The following SRP72 variants were observed in gnomAD, a reference collection of about 807,000 sequenced individuals.
SRP72 encodes signal recognition particle 72, also known as signal recognition particle subunit SRP72.
Under a neutral mutation model 96.3 loss-of-function variants are expected in SRP72, and 49 were observed. The observed-to-expected ratio is 0.51, with a 90% CI of 0.40 to 0.65. The LOEUF (loss-of-function observed/expected upper bound fraction) is 0.65. SRP72 is among the 30% of genes least tolerant of loss of function. The probability of loss-of-function intolerance (pLI) is 0.00; values close to 1 mark genes in which losing one functional copy is unlikely to be tolerated. For synonymous variants in SRP72, 267 were observed against 275.2 expected, an observed-to-expected ratio of 0.97 and a Z score of 0.30; for missense variants, 736 against 793.3, an observed-to-expected ratio of 0.93 and a Z score of 0.87.
chr4:56,482,048 G>C (rs1720513655), intron 8 of SRP72, among the ~76,000 whole-genome samples: 1 of 151,532 alleles, frequency 6.6e-6, no homozygotes. Context: ...ACAGGCGTGA[G>C]CCACTGTGCC....
intron 17 of SRP72, among the ~76,000 whole-genome samples, chr4:56,497,510 C>T (rs557561171): frequency 3.3e-5 from 5 of 152,176 alleles, no homozygotes; most frequent in Admixed American, 2.6e-4. Flanking sequence ...TGAGCCACTG[C>T]GCCCGGCCTG....
Position 56,476,381 on chromosome 4 carries a change from A to G in SRP72, c.611-290A>G, listed in dbSNP as rs575586434. 14 of 402,242 alleles carry G rather than the reference A, an allele frequency of 3.5e-5. No homozygotes were observed. The East Asian group carries it at 5.5e-4, about 16-fold the overall frequency. The allele number at this position is 402,242 out of a possible 1,614,324, so 24.9% of individuals were successfully genotyped here. A position where few individuals can be genotyped will look rare whatever the true frequency, so the allele number is the denominator to read the frequency against. ...ATTGTTTATTTTTATACTTTTCTAT[A>G]ATTGATTTTTCGCAATTAATATTTA... is the stretch of plus-strand genomic sequence containing the variant. On this transcript the variant is annotated intron_variant, in intron 5 of 18. Coordinates refer to ENST00000642900, the MANE Select transcript of SRP72 (RefSeq NM_006947.4).
chr4:56,503,444 T>C lies in SRP72; in HGVS notation c.*1583T>C, dbSNP rs554243661. 2.6e-5 allele frequency: 4 copies of C among 152,358 alleles called. No homozygotes were observed. Among genetic ancestry groups the C allele is most frequent in the African/African-American group, 9.6e-5 (4 of 41,588 alleles). 9.4% of individuals were successfully genotyped at this position (152,358 alleles called of 1,614,324 possible). A position where few individuals can be genotyped will look rare whatever the true frequency, so the allele number is the denominator to read the frequency against. ...TCATTATTGACAGGCATTGGTATTA[T>C]TAGTCATTGCTAAGCAACTAAAACT... On this transcript the variant is annotated 3_prime_UTR_variant, in exon 19 of 19. Transcript: ENST00000642900.
chr4:56,478,745 T>A lies in SRP72; in HGVS notation c.825+96T>A, dbSNP rs1578182193. Reference sequence around the variant, plus strand: ...TCTAGGATAGCCTAAGTGTTCTTTTTAACATGATGAAAAAAGTCCAGTTGT... The same window carrying A: ...TCTAGGATAGCCTAAGTGTTCTTTTAAACATGATGAAAAAAGTCCAGTTGT... On this transcript the variant is annotated intron_variant, in intron 8 of 18. Transcript: ENST00000642900. 3.1e-6 allele frequency: 4 copies of A among 1,289,480 alleles called. No homozygotes were observed. In the East Asian group the frequency reaches 9.6e-5, roughly 31 times the overall value. 79.9% of individuals were successfully genotyped at this position (1,289,480 alleles called of 1,614,324 possible). A position where few individuals can be genotyped will look rare whatever the true frequency, so the allele number is the denominator to read the frequency against.
At chr4:56,474,904 C>T (rs1358813234) in intron 5 of SRP72, among the ~76,000 whole-genome samples, 1 of 152,188 alleles carries the variant, frequency 6.6e-6, no homozygotes, top group African/African-American at 2.4e-5. Flanking sequence ...AGGCTAGTCT[C>T]AAATTCCTGT....
At chr4:56,498,834 A>G (rs1721165607) in intron 17 of SRP72, among the ~76,000 whole-genome samples, 1 of 152,242 alleles carries the variant, frequency 6.6e-6, no homozygotes, top group Admixed American at 6.5e-5. Context: ...GAAAATGGCC[A>G]TACTGCCTAA....
intron 6 of SRP72, among the ~76,000 whole-genome samples, chr4:56,477,475 A>T (rs372469230): frequency 1.1e-4 from 16 of 151,386 alleles, no homozygotes; most frequent in African/African-American, 2.9e-4. Context: ...CTTTGTAGAG[A>T]TGGGGGTCTC....
At chr4:56,477,297 C>CTTTTTTTTTTTTTATTTTT (rs1560677869) in intron 6 of SRP72, 1 of 114,822 alleles carries the variant, frequency 8.7e-6, no homozygotes, top group Non-Finnish European at 1.7e-5. Flanking sequence ...CTCTCTCTCT[C>CTTTTTTTTTTTTTATTTTT]TCTCTTTTTT....
intron 18 of SRP72, among the ~76,000 whole-genome samples, chr4:56,500,928 A>G (rs1578200755): frequency 1.3e-5 from 2 of 152,046 alleles, no homozygotes; most frequent in Non-Finnish European, 1.5e-5. Context: ...AATATAATCA[A>G]ATATATATTG....
At chr4:56,480,347 C>T (rs1185965138) in intron 8 of SRP72, among the ~76,000 whole-genome samples, 2 of 152,188 alleles carry the variant, frequency 1.3e-5, no homozygotes, top group African/African-American at 4.8e-5. Flanking sequence ...GCAGCCTCCA[C>T]CTCCCGGGTT....
intron 17 of SRP72, among the ~76,000 whole-genome samples, chr4:56,497,684 C>T (rs927673378): frequency 7.9e-5 from 12 of 151,874 alleles, no homozygotes; most frequent in Non-Finnish European, 1.6e-4. Context: ...GGAGTATCAC[C>T]GAGAATATTC....
At chr4:56,497,000 A>C (rs1281125270) in intron 17 of SRP72, among the ~76,000 whole-genome samples, 1 of 152,144 alleles carries the variant, frequency 6.6e-6, no homozygotes, top group African/African-American at 2.4e-5. Context: ...CCCCCAAAAA[A>C]AAGCATGCTC....
chr4:56,488,371 T>C (rs1720792170), intron 12 of SRP72, among the ~76,000 whole-genome samples: 1 of 152,240 alleles, frequency 6.6e-6, no homozygotes, highest in African/African-American at 2.4e-5. Context: ...AGTTTTCTGA[T>C]TATTCAAATA....
chr4:56,474,431 A>G (rs757334545), intron 5 of SRP72, 40 bp downstream of exon 5: 19 of 1,540,364 alleles, frequency 1.2e-5, no homozygotes, highest in South Asian at 8.2e-5. Context: ...TATAACGTGC[A>G]TATAACTTTG....
At chr4:56,476,929 T>C in intron 6 of SRP72, 1 of 481,448 alleles carries the variant, frequency 2.1e-6, no homozygotes, top group East Asian at 3.6e-5. Flanking sequence ...ATTATACATT[T>C]ATATAATGTA....
In SRP72 at chr4:56,471,767, G is replaced by A; in HGVS notation, c.278G>A (p.Arg93Lys). The A allele has an allele frequency of 2.5e-6, 4 of 1,614,058 alleles. No individual in the cohort carries two copies. The highest frequency in any genetic ancestry group is 3.4e-6 in the Non-Finnish European group (4 of 1,180,006). Residue 93 changes from arginine to lysine, a missense_variant, in exon 3 of 19, where the codon AGA becomes AAA. Arg to Lys is a conservative substitution (Grantham distance 26, BLOSUM62 2). Coordinates refer to ENST00000642900, the MANE Select transcript of SRP72 (RefSeq NM_006947.4). ...GCATATTGCGAGTACAGGCTGAACA[G>A]AATTGAGAATGCCTTGAAGACAATA... ...EKAYCEYRLNRIENALKTIES... is the reference protein window; with the variant it reads ...EKAYCEYRLNKIENALKTIES...
rs189054252 is a variant in SRP72 at position 56,495,456 on chromosome 4, T to C, written c.1678+62T>C. Reference sequence around the variant, plus strand: ...AAATAAATGTTTGATTTTAGCCCTATATAGAAATATTTGGACATAAATATA... The same window carrying C: ...AAATAAATGTTTGATTTTAGCCCTACATAGAAATATTTGGACATAAATATA... On this transcript the variant is annotated intron_variant, in intron 17 of 18. Transcript: ENST00000642900. The C allele has an allele frequency of 1.0e-5, 12 of 1,165,876 alleles. No individual in the cohort carries two copies. In the Admixed American group the frequency reaches 1.2e-4, roughly 12 times the overall value. 72.2% of individuals were successfully genotyped at this position (1,165,876 alleles called of 1,614,324 possible).
intron 18 of SRP72, 118 bp from the exon 19 acceptor site, chr4:56,501,562 TAAAA>T: frequency 1.2e-6 from 1 of 838,642 alleles, no homozygotes; most frequent in Non-Finnish European, 1.8e-6. Flanking sequence ...GAGCTTACCT[TAAAA>T]GAAGTAGAAA....
chr4:56,487,138 A>G (rs573406215), intron 11 of SRP72, among the ~76,000 whole-genome samples: 2 of 152,332 alleles, frequency 1.3e-5, no homozygotes, highest in South Asian at 2.1e-4. Flanking sequence ...CAGCTCTGGT[A>G]TAGAATGTGG....
Sources: allele counts gnomAD v4.1 joint callset (sites outside exome capture counted in the v4.1 genomes callset), GRCh38; gene constraint gnomAD v4.1.1; transcripts MANE v1.5; gene names NCBI Gene and HGNC (gene_info 2026-07-23, HGNC 2026-07-21).